FBLN2: variants seen among roughly 807,000 people sequenced by gnomAD.
FBLN2 encodes the protein fibulin 2.
In FBLN2, 81 loss-of-function variants were observed where a neutral mutation model predicts 123.7. The ratio of observed to expected loss-of-function variants is 0.65; its 90% CI spans 0.55 to 0.79. FBLN2 has a LOEUF of 0.79. FBLN2 is among the 30% of genes least tolerant of loss of function. The pLI is 0.00. For synonymous variants in FBLN2, 699 were observed against 701.4 expected (o/e 1.00, Z 0.05); for missense variants, 1,603 against 1,681.3 (o/e 0.95, Z 0.81).
intron 9 of FBLN2, among the ~76,000 whole-genome samples, chr3:13,625,888 A>C (rs1706019387): frequency 1.3e-5 from 2 of 148,258 alleles, no homozygotes; most frequent in South Asian, 2.2e-4. Context: ...CAGCACACCC[A>C]CCTCCTGGTG....
At chr3:13,554,523 TTC>T (rs1291488649) in intron 1 of FBLN2, among the ~76,000 whole-genome samples, 1 of 152,198 alleles carries the variant, frequency 6.6e-6, no homozygotes, top group Non-Finnish European at 1.5e-5. Context: ...CACACACACG[TTC>T]TCTCTTTCTC....
chr3:13,622,130 C>T lies in FBLN2; in HGVS notation c.2296+215C>T, dbSNP rs1024943595. 3.3e-5 allele frequency among the ~76,000 whole-genome samples: 5 copies of T among 152,304 alleles called. No individual in the cohort carries two copies. The South Asian group carries it at 1.0e-3, about 32-fold the overall frequency. On this transcript the variant is annotated intron_variant, in intron 9 of 17. Coordinates refer to ENST00000404922, the MANE Select transcript of FBLN2 (RefSeq NM_001004019.2). The stretch of plus-strand genomic sequence containing the variant: ...ACCCGGAGGCTGCTTTCCCCAGGGA[C>T]GTGTCTATGTGTCAGGGAACTGGAT...
intron 4 of FBLN2, among the ~76,000 whole-genome samples, chr3:13,613,412 G>A (rs1421280334): frequency 1.3e-5 from 2 of 151,936 alleles, no homozygotes; most frequent in African/African-American, 2.4e-5. Flanking sequence ...AAGCAGCCTG[G>A]GCTAGCGTAG....
chr3:13,615,806 G>T (rs1705579039), intron 5 of FBLN2, among the ~76,000 whole-genome samples: 1 of 152,192 alleles, frequency 6.6e-6, no homozygotes, highest in African/African-American at 2.4e-5. Context: ...GGACACCTTG[G>T]CTCTAATGAC....
intron 1 of FBLN2, among the ~76,000 whole-genome samples, chr3:13,550,418 A>G (rs1007434748): frequency 1.3e-5 from 2 of 152,184 alleles, no homozygotes; most frequent in Admixed American, 1.3e-4. Context: ...TGCAGTGATC[A>G]CTTGGGCCAG....
chr3:13,600,209 G>A (rs879437742), intron 2 of FBLN2, among the ~76,000 whole-genome samples: 2 of 151,986 alleles, frequency 1.3e-5, no homozygotes, highest in Non-Finnish European at 2.9e-5. Flanking sequence ...ATGAGATGAG[G>A]GTACTCACTC....
chr3:13,586,000 C>CA (rs1704484937), intron 2 of FBLN2, among the ~76,000 whole-genome samples: 1 of 152,124 alleles, frequency 6.6e-6, no homozygotes. Flanking sequence ...CAGCCTCTGG[C>CA]AGGTCCTTTG....
intron 1 of FBLN2, 32 bp downstream of exon 1, chr3:13,549,240 C>T (rs1353135041): frequency 2.0e-6 from 2 of 981,956 alleles, no homozygotes; most frequent in Non-Finnish European, 2.4e-6. Flanking sequence ...CGCCCGGACT[C>T]ATCCCCGTCG....
rs551717693 is a variant in FBLN2 at position 13,634,284 on chromosome 3, C to T, written c.3215-2161C>T. ...GAGGCTGTGATGGCAGCCCTGGATACGGGGCCTAGTCCAGCTCCCACGTTA... is the reference window on the plus strand; with the variant it reads ...GAGGCTGTGATGGCAGCCCTGGATATGGGGCCTAGTCCAGCTCCCACGTTA... On this transcript the variant is annotated intron_variant, in intron 16 of 17. Transcript: ENST00000404922. Among the ~76,000 whole-genome samples the T allele has an allele frequency of 1.8e-4, 27 of 152,386 alleles. No homozygotes were observed. The South Asian group carries it at 2.1e-3, about 12-fold the overall frequency.
intron 1 of FBLN2, chr3:13,569,209 G>GAC: frequency 4.5e-6 from 1 of 223,890 alleles, no homozygotes. Context: ...GAGGGGAGAA[G>GAC]AGCCCTTGGG....
chr3:13,599,778 G>T (rs1328892222), intron 2 of FBLN2, among the ~76,000 whole-genome samples: 1 of 151,742 alleles, frequency 6.6e-6, no homozygotes, highest in African/African-American at 2.4e-5. Context: ...CAGGGAGGGG[G>T]TGGCTTGGGA....
rs373718966 is a variant in FBLN2 at position 13,636,544 on chromosome 3, C to A, written c.3314C>A (p.Pro1105His). ...CGCTGCCTGCGCTTCGAGTGTCCTCCCAACTATGTCCAAGTCTCCAAAACG... is the reference window on the plus strand; with the variant it reads ...CGCTGCCTGCGCTTCGAGTGTCCTCACAACTATGTCCAAGTCTCCAAAACG... ...SFRCLRFECPPNYVQVSKTKC... is the reference protein window; with the variant it reads ...SFRCLRFECPHNYVQVSKTKC... Residue 1105 changes from proline to histidine, a missense_variant, in exon 17 of 18, where the codon CCC (proline) becomes CAC (histidine). By Grantham distance (77) the Pro-to-His change is moderately conservative. Coordinates refer to ENST00000404922, the MANE Select transcript of FBLN2 (RefSeq NM_001004019.2). 9.3e-6 allele frequency: 15 copies of A among 1,613,416 alleles called. 1 individual carries two copies. Among genetic ancestry groups the A allele is most frequent in the Admixed American group, 8.3e-5 (5 of 59,944 alleles).
chr3:13,564,922 C>T (rs1045040319), intron 1 of FBLN2, among the ~76,000 whole-genome samples: 2 of 152,188 alleles, frequency 1.3e-5, no homozygotes, highest in African/African-American at 2.4e-5. Context: ...GACAGCAGAG[C>T]GAGGAGCTTG....
At chr3:13,595,249 A>G (rs949411555) in intron 2 of FBLN2, among the ~76,000 whole-genome samples, 12 of 152,134 alleles carry the variant, frequency 7.9e-5, no homozygotes, top group African/African-American at 2.9e-4. Context: ...TGTGAGGGCC[A>G]CAGAAAGCAG....
intron 2 of FBLN2, among the ~76,000 whole-genome samples, chr3:13,573,239 A>T (rs936588571): frequency 6.6e-6 from 1 of 152,040 alleles, no homozygotes; most frequent in Non-Finnish European, 1.5e-5. Flanking sequence ...GCTTCCTTTC[A>T]ATCAAGTTCA....
At chr3:13,597,747 C>G (rs57684459) in intron 2 of FBLN2, among the ~76,000 whole-genome samples, 6,076 of 152,354 alleles carry the variant, frequency 0.04, 420 homozygotes, top group African/African-American at 0.14. Context: ...CAGAGTGGAC[C>G]TGCTCTGTGC....
chr3:13,618,878 C>G, intron 6 of FBLN2, 26 bp from the exon 7 acceptor site: 1 of 1,582,510 alleles, frequency 6.3e-7, no homozygotes, highest in Non-Finnish European at 8.6e-7. Context: ...CTCCCTGCAA[C>G]CCCCACTCTG....
chr3:13,604,850 G>A (rs912608472), intron 2 of FBLN2, among the ~76,000 whole-genome samples: 3 of 152,250 alleles, frequency 2.0e-5, no homozygotes, highest in Non-Finnish European at 2.9e-5. Context: ...GTAACTTGCC[G>A]TGCCTGCTAA....
chr3:13,600,150 G>A (rs1704982238), intron 2 of FBLN2, among the ~76,000 whole-genome samples: 2 of 151,650 alleles, frequency 1.3e-5, no homozygotes, highest in African/African-American at 4.9e-5. Flanking sequence ...GGAGGTGACT[G>A]CTGGGCGGAG....
Sources: allele counts gnomAD v4.1 joint callset (sites outside exome capture counted in the v4.1 genomes callset), GRCh38; gene constraint gnomAD v4.1.1; transcripts MANE v1.5; gene names NCBI Gene and HGNC (gene_info 2026-07-23, HGNC 2026-07-21).